Variants in HUNK observed in about 807,000 individuals in gnomAD.
HUNK encodes hormonally up-regulated Neu-associated kinase, also known as hormonally up-regulated neu tumor-associated kinase.
In HUNK, 21 loss-of-function variants were observed where a neutral mutation model predicts 61.0. The ratio of observed to expected loss-of-function variants is 0.34; its 90% CI spans 0.24 to 0.50. The LOEUF is 0.50. Among genes scored for constraint, HUNK ranks in the 20% least tolerant of loss-of-function variants. The pLI is 0.98. For synonymous variants in HUNK, 371 were observed against 386.1 expected (o/e 0.96, Z 0.46); for missense variants, 772 against 945.7 (o/e 0.82, Z 2.41).
chr21:31,919,001 C>G (rs12626408), intron 1 of HUNK, among the ~76,000 whole-genome samples: 1 of 105,752 alleles, frequency 9.5e-6, no homozygotes, highest in Non-Finnish European at 2.1e-5. Context: ...CTGGACTGAG[C>G]GGTATGAGGA....
chr21:31,963,351 AC>A (rs35000549), intron 5 of HUNK, among the ~76,000 whole-genome samples: 15 of 151,566 alleles, frequency 9.9e-5, no homozygotes, highest in Admixed American at 7.2e-4. Context: ...TATAAGACGC[AC>A]CCCCCCTACA....
chr21:31,954,778 T>TTTTTC (rs200770333), intron 4 of HUNK, among the ~76,000 whole-genome samples: 1 of 152,020 alleles, frequency 6.6e-6, no homozygotes, highest in Admixed American at 6.5e-5. Context: ...GTTTTCTTTC[T>TTTTTC]TTTTCTTTTC....
At chr21:31,934,886 C>T (rs565791793) in intron 2 of HUNK, among the ~76,000 whole-genome samples, 2 of 152,204 alleles carry the variant, frequency 1.3e-5, no homozygotes, top group East Asian at 1.9e-4. Context: ...ATATGTACCC[C>T]GTTTTCTTTA....
chr21:31,944,607 G>A (rs73350780), intron 3 of HUNK, among the ~76,000 whole-genome samples: 3,953 of 151,938 alleles, frequency 0.026, 170 homozygotes, highest in African/African-American at 0.091. Flanking sequence ...TGGGGTGTGG[G>A]GGGAGGGTTG....
intron 1 of HUNK, among the ~76,000 whole-genome samples, chr21:31,879,870 T>A (rs2052293295): frequency 6.6e-6 from 1 of 152,198 alleles, no homozygotes; most frequent in African/African-American, 2.4e-5. Context: ...AGACCTGCTC[T>A]CTTGGCTAAT....
chr21:31,877,302 A>G (rs1481735169), intron 1 of HUNK, among the ~76,000 whole-genome samples: 1 of 152,102 alleles, frequency 6.6e-6, no homozygotes, highest in Non-Finnish European at 1.5e-5. Flanking sequence ...GAAATCCTTC[A>G]TGGTTTGCTG....
At chr21:31,955,362 G>A (rs374211811) in intron 4 of HUNK, among the ~76,000 whole-genome samples, 2,022 of 150,578 alleles carry the variant, frequency 0.013, 54 homozygotes, top group African/African-American at 0.048. Context: ...AGACCGAGAC[G>A]GGTGGATCAC....
chr21:31,914,324 C>T (rs910794135), intron 1 of HUNK, among the ~76,000 whole-genome samples: 1 of 141,950 alleles, frequency 7.0e-6, no homozygotes, highest in African/African-American at 2.6e-5. Flanking sequence ...AGGAGAATCG[C>T]TTGAACCCAG....
At chr21:31,927,175 G>A (rs1294772137) in intron 2 of HUNK, among the ~76,000 whole-genome samples, 1 of 152,038 alleles carries the variant, frequency 6.6e-6, no homozygotes, top group African/African-American at 2.4e-5. Flanking sequence ...CAAGTTGCTG[G>A]GATTACAGGC....
chr21:31,873,020 A>G lies in HUNK; in HGVS notation c.-655A>G, dbSNP rs2052225649. On this transcript the variant is annotated 5_prime_UTR_variant, in exon 1 of 11. Transcript: ENST00000270112. This position sits in a 1 kb window ranked among gnomAD's most constrained non-coding sequence, Gnocchi z 6.1. The stretch of plus-strand genomic sequence containing the variant: ...TGTGGCGCGCGGGGAAGGAGGGGCT[A>G]CTAGGGATTTGAAAGTGCACGGGCT... 6.6e-6 allele frequency among the ~76,000 whole-genome samples: 1 copy of G among 152,088 alleles called. No individual in the cohort carries two copies. The highest frequency in any genetic ancestry group is 6.5e-5 in the Admixed American group (1 of 15,280).
intron 6 of HUNK, among the ~76,000 whole-genome samples, chr21:31,973,206 C>T (rs1015917948): frequency 1.3e-5 from 2 of 151,948 alleles, no homozygotes; most frequent in African/African-American, 2.4e-5. Context: ...GGTACATGTG[C>T]ACAACGTGCA....
intron 4 of HUNK, among the ~76,000 whole-genome samples, chr21:31,950,878 C>T (rs1015875144): frequency 5.3e-5 from 8 of 152,108 alleles, no homozygotes; most frequent in Non-Finnish European, 1.2e-4. Flanking sequence ...AAAGCAAACT[C>T]CCCTCCCTGG....
At chr21:31,923,401 T>C (rs2052635982) in intron 1 of HUNK, among the ~76,000 whole-genome samples, 1 of 151,094 alleles carries the variant, frequency 6.6e-6, no homozygotes, top group Non-Finnish European at 1.5e-5. Context: ...GATTGCACCA[T>C]GTACTCCAGC....
chr21:31,944,567 TG>T (rs2052789598), intron 3 of HUNK, among the ~76,000 whole-genome samples: 2 of 125,564 alleles, frequency 1.6e-5, no homozygotes, highest in South Asian at 5.8e-4. Flanking sequence ...GTGGGGTCTA[TG>T]GGTCTGGCTG....
At chr21:31,896,229 G>C (rs1393329868) in intron 1 of HUNK, among the ~76,000 whole-genome samples, 1 of 152,176 alleles carries the variant, frequency 6.6e-6, no homozygotes, top group Non-Finnish European at 1.5e-5. Flanking sequence ...TGTTTTGGCA[G>C]CCCGGGCCAA....
In HUNK at chr21:31,935,184, A is replaced by G. The variant is rs575218807; in HGVS notation, c.555-4981A>G. 2.6e-5 allele frequency among the ~76,000 whole-genome samples: 4 copies of G among 152,262 alleles called. No individual in the cohort carries two copies. In the East Asian group the frequency reaches 7.7e-4, roughly 29 times the overall value. On this transcript the variant is annotated intron_variant, in intron 2 of 10. Coordinates refer to ENST00000270112, the MANE Select transcript of HUNK (RefSeq NM_014586.2). The stretch of plus-strand genomic sequence containing the variant: ...GAGTGAGGCACTTGGTTGTAGTTGT[A>G]CCATTCTTAGTGTGGATTGCTTAGG...
intron 7 of HUNK, among the ~76,000 whole-genome samples, chr21:31,980,931 C>T (rs1487379254): frequency 2.6e-5 from 4 of 152,238 alleles, no homozygotes; most frequent in South Asian, 2.1e-4. Context: ...CTTGAACTCC[C>T]AACCTCAGGT....
At chr21:31,933,689 G>A (rs1309191532) in intron 2 of HUNK, among the ~76,000 whole-genome samples, 3 of 151,756 alleles carry the variant, frequency 2.0e-5, no homozygotes, top group African/African-American at 4.8e-5. Flanking sequence ...GGAGGCTGAG[G>A]CAGGAGAATC....
In HUNK at chr21:31,891,114, T is replaced by C. The variant is rs551181596; in HGVS notation, c.261+17179T>C. Among the ~76,000 whole-genome samples, 5 of 152,260 alleles carry C rather than the reference T, an allele frequency of 3.3e-5. No individual in the cohort carries two copies. The East Asian group carries it at 9.7e-4, about 29-fold the overall frequency. ...GAAACAGGCTGGATGTGGTGGCTCA[T>C]GCCTGTAATCCCAGCACTTTGGGAG... On this transcript the variant is annotated intron_variant, in intron 1 of 10. Coordinates refer to ENST00000270112, the MANE Select transcript of HUNK (RefSeq NM_014586.2).
Sources: gnomAD v4.1 joint callset for allele counts (sites outside exome capture counted in the v4.1 genomes callset) on GRCh38, gnomAD v4.1.1 for gene constraint, Gnocchi (gnomAD v3.1) non-coding constraint, MANE v1.5 for transcripts, NCBI Gene and HGNC (gene_info 2026-07-23, HGNC 2026-07-21) for gene names.